COL18A1: variants seen among roughly 807,000 people sequenced by gnomAD.
The protein encoded by COL18A1 is collagen type XVIII alpha 1 chain.
Under a neutral mutation model 168.0 loss-of-function variants are expected in COL18A1, and 133 were observed. The ratio of observed to expected loss-of-function variants is 0.79; its 90% CI spans 0.69 to 0.91. The LOEUF is 0.91. COL18A1 is among the 40% of genes least tolerant of loss of function. The pLI is 0.00. For synonymous variants in COL18A1, 949 were observed against 809.0 expected (o/e 1.17, Z -2.94); for missense variants, 2,126 against 1,925.4 (o/e 1.10, Z -1.95).
chr21:45,504,579 A>G lies in COL18A1; in HGVS notation c.2868+23A>G, dbSNP rs746691437. The G allele has an allele frequency of 7.7e-6, 12 of 1,558,186 alleles. No homozygotes were observed. The South Asian group carries it at 1.1e-4, about 14-fold the overall frequency. On this transcript the variant is annotated intron_variant, in intron 34 of 41. Transcript: ENST00000651438. Reference sequence around the variant, plus strand: ...CCAGTAAGTCCCAGCCTGTGCAGGCAGAGCCCATGTCCCAGGGGTCTGGGT... The same window carrying G: ...CCAGTAAGTCCCAGCCTGTGCAGGCGGAGCCCATGTCCCAGGGGTCTGGGT...
rs766689573 is a variant in COL18A1 at position 45,455,935 on chromosome 21, G to C, written c.107-12307G>C. The C allele has an allele frequency of 6.8e-6, 11 of 1,612,982 alleles. No homozygotes were observed. In the African/African-American group the frequency reaches 1.2e-4, roughly 18 times the overall value. On this transcript the variant is annotated intron_variant, in intron 2 of 41. Transcript: ENST00000651438. ...TGTGGAATGACACTGTCCCCACTGA[G>C]AGCTTGGCCAGGGCGGAAACCCTGG...
intron 37 of COL18A1, 23 bp downstream of exon 37, chr21:45,505,989 T>C: frequency 6.2e-7 from 1 of 1,612,832 alleles, no homozygotes; most frequent in Admixed American, 1.7e-5. Flanking sequence ...TGTGACGGGT[T>C]CTGGACCCGT....
intron 2 of COL18A1, among the ~76,000 whole-genome samples, chr21:45,429,296 CA>C: frequency 6.6e-6 from 1 of 152,198 alleles, no homozygotes. Flanking sequence ...CAGGGCTCCC[CA>C]AGATGAAAGG....
In COL18A1 at chr21:45,487,137, G is replaced by T. The variant is rs147552126; in HGVS notation, c.1833+145G>T. Reference sequence around the variant, plus strand: ...GCCTCATCCTGGGATTCCATATTCCGCATGGTGGGGCTCGAGTCTCTCGCC... The same window carrying T: ...GCCTCATCCTGGGATTCCATATTCCTCATGGTGGGGCTCGAGTCTCTCGCC... On this transcript the variant is annotated intron_variant, in intron 16 of 41. Transcript: ENST00000651438. 23 of 873,940 alleles carry T rather than the reference G, an allele frequency of 2.6e-5. No homozygotes were observed. In the African/African-American group the frequency reaches 2.7e-4, roughly 10 times the overall value. The allele number at this position is 873,940 out of a possible 1,614,324, so 54.1% of individuals were successfully genotyped here. A position where few individuals can be genotyped will look rare whatever the true frequency, so the allele number is the denominator to read the frequency against.
chr21:45,482,400 G>A (rs755358006), intron 14 of COL18A1: 1 of 615,766 alleles, frequency 1.6e-6, no homozygotes. Flanking sequence ...CCTGCGTCTG[G>A]CCCCCTGGGG....
chr21:45,486,217 AGGGTCCTG>A (rs1477462781), intron 15 of COL18A1, among the ~76,000 whole-genome samples: 139 of 152,014 alleles, frequency 9.1e-4, no homozygotes, highest in African/African-American at 3.2e-3. Flanking sequence ...CAGTGGTCCC[AGGGTCCTG>A]AGCCTCCTCT....
At chr21:45,509,041 A>G (rs1028063988) in intron 38 of COL18A1, among the ~76,000 whole-genome samples, 1 of 152,122 alleles carries the variant, frequency 6.6e-6, no homozygotes, top group African/African-American at 2.4e-5. Flanking sequence ...TGTTGAGGTC[A>G]GGGGCCCTGA....
chr21:45,453,234 T>C (rs2034689965), intron 2 of COL18A1, among the ~76,000 whole-genome samples: 1 of 152,244 alleles, frequency 6.6e-6, no homozygotes, highest in African/African-American at 2.4e-5. Context: ...ATGTGTGTGC[T>C]TGTGTATGCA....
chr21:45,504,300 C>G (rs1195863470), intron 33 of COL18A1, 116 bp from the exon 34 acceptor site: 15 of 1,093,898 alleles, frequency 1.4e-5, no homozygotes, highest in Non-Finnish European at 2.0e-5. Flanking sequence ...GCCAGCAGCT[C>G]CCAGGCCTGG....
intron 5 of COL18A1, 68 bp downstream of exon 5, chr21:45,475,603 GAC>G (rs1311179013): frequency 3.0e-6 from 4 of 1,351,458 alleles, no homozygotes; most frequent in Admixed American, 3.9e-5. Flanking sequence ...GCAGTGGGGT[GAC>G]ACATGTGCAC....
chr21:45,483,986 A>G (rs1321886593), intron 15 of COL18A1, among the ~76,000 whole-genome samples: 9 of 136,008 alleles, frequency 6.6e-5, no homozygotes, highest in Admixed American at 6.5e-4. Context: ...TCTCCAGCAT[A>G]TGTACACATG....
intron 22 of COL18A1, among the ~76,000 whole-genome samples, chr21:45,491,546 C>T (rs988463951): frequency 1.4e-5 from 2 of 139,476 alleles, no homozygotes; most frequent in Non-Finnish European, 3.3e-5. Context: ...AGGGCCTGCA[C>T]AGGGGCCAGT....
chr21:45,506,425 C>T, intron 37 of COL18A1: 1 of 311,354 alleles, frequency 3.2e-6, no homozygotes. Flanking sequence ...ATCCTCTCTG[C>T]TTAGCACGGG....
intron 32 of COL18A1, among the ~76,000 whole-genome samples, chr21:45,503,444 T>G (rs2036973624): frequency 2.6e-5 from 4 of 152,222 alleles, no homozygotes. Flanking sequence ...CACCATGGAA[T>G]ACTACGCAGC....
At chr21:45,476,813 GTGGT>G (rs1359780656) in intron 6 of COL18A1, among the ~76,000 whole-genome samples, 1 of 151,648 alleles carries the variant, frequency 6.6e-6, no homozygotes, top group Non-Finnish European at 1.5e-5. Context: ...GTGTACGTGT[GTGGT>G]GTGCAGTGCA....
chr21:45,442,935 G>T (rs2034415116), intron 2 of COL18A1, among the ~76,000 whole-genome samples: 1 of 141,728 alleles, frequency 7.1e-6, no homozygotes, highest in African/African-American at 2.9e-5. Context: ...CGGTGGTGGT[G>T]CTGGTGTGGG....
intron 2 of COL18A1, among the ~76,000 whole-genome samples, chr21:45,438,066 ACACT>A (rs1175599532): frequency 7.7e-6 from 1 of 129,626 alleles, no homozygotes; most frequent in Admixed American, 7.7e-5. Context: ...ACTCACACTC[ACACT>A]CAGACAAGCA....
At chr21:45,505,786 T>G (rs979942854) in intron 36 of COL18A1, 52 bp from the exon 37 acceptor site, 219 of 938,916 alleles carry the variant, frequency 2.3e-4, no homozygotes, top group Middle Eastern at 3.2e-4. Flanking sequence ...CTTCCGCCCC[T>G]GCCCCCCGCC....
At chr21:45,478,932 G>A (rs1160595954) in intron 9 of COL18A1, among the ~76,000 whole-genome samples, 1 of 152,136 alleles carries the variant, frequency 6.6e-6, no homozygotes, top group East Asian at 1.9e-4. Context: ...GGACAGGGAG[G>A]GCATCTCATG....
Sources: allele counts gnomAD v4.1 joint callset (sites outside exome capture counted in the v4.1 genomes callset), GRCh38; gene constraint gnomAD v4.1.1; transcripts MANE v1.5; gene names NCBI Gene and HGNC (gene_info 2026-07-23, HGNC 2026-07-21).